SLC41A3: variants seen among roughly 807,000 people sequenced by gnomAD.
SLC41A3 encodes solute carrier family 41 member 3, also known as SLC41A1-like 2.
Under a neutral mutation model 45.4 loss-of-function variants are expected in SLC41A3, and 44 were observed. The ratio of observed to expected loss-of-function variants is 0.97; its 90% CI spans 0.76 to 1.25. The LOEUF (loss-of-function observed/expected upper bound fraction) is 1.25. SLC41A3 is among the 50% of genes most tolerant of loss of function. SLC41A3 has a pLI of 0.00. For synonymous variants in SLC41A3, 256 were observed against 252.4 expected (o/e 1.01, Z -0.13); for missense variants, 550 against 600.6 (o/e 0.92, Z 0.88).
intron 4 of SLC41A3, among the ~76,000 whole-genome samples, chr3:126,029,120 G>A (rs1200757556): frequency 6.6e-6 from 1 of 152,218 alleles, no homozygotes; most frequent in Non-Finnish European, 1.5e-5. Flanking sequence ...GTGACTGTTA[G>A]GAAGCCATGA....
intron 8 of SLC41A3, 125 bp from the exon 9 acceptor site, chr3:126,012,874 C>T: frequency 7.1e-7 from 1 of 1,405,900 alleles, no homozygotes; most frequent in Non-Finnish European, 9.5e-7. Context: ...TTATCTTTTC[C>T]TTTCCTCCCA....
chr3:126,043,989 T>C (rs974256574), intron 3 of SLC41A3, among the ~76,000 whole-genome samples: 9 of 152,056 alleles, frequency 5.9e-5, no homozygotes, highest in Admixed American at 2.6e-4. Flanking sequence ...ATACAAAAAC[T>C]AGCAGAATGG....
At chr3:126,067,921 C>T in intron 2 of SLC41A3, 26 bp downstream of exon 2, 1 of 1,560,444 alleles carries the variant, frequency 6.4e-7, no homozygotes, top group Non-Finnish European at 8.7e-7. Context: ...TGCCCCGCTC[C>T]CTGTCCCCAT....
intron 9 of SLC41A3, among the ~76,000 whole-genome samples, chr3:126,009,689 C>T (rs902937096): frequency 2.0e-5 from 3 of 151,946 alleles, no homozygotes; most frequent in East Asian, 1.9e-4. Context: ...AGAAGAGCAA[C>T]GACATCTATT....
In SLC41A3 at chr3:126,044,508, C is replaced by A. The variant is rs993308844; in HGVS notation, c.381+6435G>T. ...CTCCACCGAACAATGGAAGAATACA[C>A]ATTTTTCTCAATGAAATGTGAACAT... On this transcript the variant is annotated intron_variant, in intron 3 of 10. Coordinates refer to ENST00000360370, the MANE Select transcript of SLC41A3 (RefSeq NM_017836.4). Among the ~76,000 whole-genome samples, 22 of 152,290 alleles carry A rather than the reference C, an allele frequency of 1.4e-4. No homozygotes were observed. In the East Asian group the frequency reaches 3.3e-3, roughly 23 times the overall value.
intron 1 of SLC41A3, among the ~76,000 whole-genome samples, chr3:126,099,782 G>T (rs1436608729): frequency 1.3e-5 from 2 of 152,158 alleles, no homozygotes. Context: ...TTGCTGTTTT[G>T]GTTGCTCCAA....
chr3:126,056,375 C>A (rs566159890), intron 2 of SLC41A3: 1 of 1,614,098 alleles, frequency 6.2e-7, no homozygotes, highest in African/African-American at 1.3e-5. Context: ...GTGTTCATCA[C>A]CAGGCCGGCT....
At chr3:126,016,048 G>C (rs988637948) in intron 7 of SLC41A3, among the ~76,000 whole-genome samples, 1 of 152,212 alleles carries the variant, frequency 6.6e-6, no homozygotes, top group African/African-American at 2.4e-5. Flanking sequence ...CCCTGGAGAA[G>C]CTAGGTCAAT....
chr3:126,026,246 C>T lies in SLC41A3; in HGVS notation c.598+89G>A, dbSNP rs2107727349. 6.6e-7 allele frequency: 1 copy of T among 1,503,834 alleles called. No individual in the cohort carries two copies. The allele number at this position is 1,503,834 out of a possible 1,614,324, so 93.2% of individuals were successfully genotyped here. On this transcript the variant is annotated intron_variant, in intron 5 of 10. Coordinates refer to ENST00000360370, the MANE Select transcript of SLC41A3 (RefSeq NM_017836.4). The surrounding 1 kb of genome is among the most constrained non-coding windows in gnomAD (Gnocchi z 4.2). ...GTCCCATTAGCAGTGGGACTCACAC[C>T]CCCAGAAACTGAAAACACAATGAGC...
At chr3:126,022,698 A>G in intron 6 of SLC41A3, 88 bp downstream of exon 6, 1 of 1,516,960 alleles carries the variant, frequency 6.6e-7, no homozygotes, top group Non-Finnish European at 9.0e-7. Context: ...GGCTGGGTGC[A>G]AAAGTACCCA....
At chr3:126,029,835 C>G (rs1236117302) in intron 4 of SLC41A3, among the ~76,000 whole-genome samples, 1 of 151,988 alleles carries the variant, frequency 6.6e-6, no homozygotes, top group Non-Finnish European at 1.5e-5. Flanking sequence ...CTGACAGAAA[C>G]AAATAGATCA....
At chr3:126,035,289 T>C (rs1942098439) in intron 3 of SLC41A3, among the ~76,000 whole-genome samples, 1 of 152,058 alleles carries the variant, frequency 6.6e-6, no homozygotes, top group Admixed American at 6.5e-5. Flanking sequence ...CCTTCCAGGA[T>C]GGTGGTGGGA....
intron 4 of SLC41A3, among the ~76,000 whole-genome samples, chr3:126,032,689 T>G (rs887952151): frequency 3.3e-5 from 5 of 152,094 alleles, no homozygotes; most frequent in Non-Finnish European, 7.4e-5. Flanking sequence ...GTTTTGGGGG[T>G]GCCTCTGGGA....
chr3:126,078,752 A>G (rs964584612), intron 1 of SLC41A3, among the ~76,000 whole-genome samples: 1 of 152,042 alleles, frequency 6.6e-6, no homozygotes, highest in African/African-American at 2.4e-5. Flanking sequence ...CTGGGACCCT[A>G]CCAGGGTCCT....
chr3:126,083,732 G>C (rs1314607125), intron 1 of SLC41A3: 1 of 151,960 alleles, frequency 6.6e-6, no homozygotes, highest in African/African-American at 2.4e-5. Flanking sequence ...TGTGGGGAGC[G>C]GCCTCAGACA....
chr3:126,026,614 C>G lies in SLC41A3; in HGVS notation c.454-135G>C. On this transcript the variant is annotated intron_variant, in intron 4 of 10. Transcript: ENST00000360370. The surrounding 1 kb of genome is among the most constrained non-coding windows in gnomAD (Gnocchi z 4.2). ...TCCTTTCCCTTACCCTAAAATCTCACAGGCCCTCACCCCAGGAAAAACTAA... is the reference window on the plus strand; with the variant it reads ...TCCTTTCCCTTACCCTAAAATCTCAGAGGCCCTCACCCCAGGAAAAACTAA... 1 of 1,195,828 alleles carries G rather than the reference C, an allele frequency of 8.4e-7. No individual in the cohort carries two copies. Among genetic ancestry groups the G allele is most frequent in the Non-Finnish European group, 1.2e-6 (1 of 857,402 alleles). 74.1% of individuals were successfully genotyped at this position (1,195,828 alleles called of 1,614,324 possible).
At chr3:126,043,400 T>C (rs1942721169) in intron 3 of SLC41A3, among the ~76,000 whole-genome samples, 2 of 151,488 alleles carry the variant, frequency 1.3e-5, no homozygotes, top group South Asian at 2.1e-4. Flanking sequence ...GTAAAGAGAG[T>C]CATTCAAGTT....
At chr3:126,008,527 G>A (rs908299644) in intron 10 of SLC41A3, among the ~76,000 whole-genome samples, 5 of 151,998 alleles carry the variant, frequency 3.3e-5, no homozygotes, top group Admixed American at 3.3e-4. Context: ...TGTGTGGTGT[G>A]GAGTGTGTGG....
At position 126,006,654 on chromosome 3, in the gene SLC41A3, T is replaced by C; in HGVS notation, c.*362A>G. On this transcript the variant is annotated 3_prime_UTR_variant, in exon 11 of 11. Transcript: ENST00000360370. ...CTTCCTGCTCCACCCCAATCTGGGT[T>C]GCATGGGCATGGAAAAGAGCAAACA... 1 of 1,505,150 alleles carries C rather than the reference T, an allele frequency of 6.6e-7. No individual in the cohort carries two copies. The highest frequency in any genetic ancestry group is 8.8e-7 in the Non-Finnish European group (1 of 1,131,502). The allele number at this position is 1,505,150 out of a possible 1,614,324, so 93.2% of individuals were successfully genotyped here. A position where few individuals can be genotyped will look rare whatever the true frequency, so the allele number is the denominator to read the frequency against.
Sources: gnomAD v4.1 joint callset for allele counts (sites outside exome capture counted in the v4.1 genomes callset) on GRCh38, gnomAD v4.1.1 for gene constraint, Gnocchi (gnomAD v3.1) non-coding constraint, MANE v1.5 for transcripts, NCBI Gene and HGNC (gene_info 2026-07-23, HGNC 2026-07-21) for gene names.